ZNF333: variants seen among roughly 807,000 people sequenced by gnomAD.
ZNF333 encodes zinc finger protein 333.
ZNF333 carries 61 observed loss-of-function variants against 76.1 expected under a neutral mutation model. The observed-to-expected ratio is 0.80, with a 90% confidence interval of 0.65 to 0.99. ZNF333 has a LOEUF of 0.99. Among genes scored for constraint, ZNF333 ranks in the 50% least tolerant of loss-of-function variants. The probability of loss-of-function intolerance (pLI) is 0.00; values close to 1 mark genes in which losing one functional copy is unlikely to be tolerated. For synonymous variants in ZNF333, 284 were observed against 305.0 expected (o/e 0.93, Z 0.72); for missense variants, 717 against 822.4 (o/e 0.87, Z 1.57).
At chr19:14,722,698 C>T (rs1475215190), downstream of ZNF333, among the ~76,000 whole-genome samples, 2 of 152,124 alleles carry the variant, frequency 1.3e-5, no homozygotes, top group Non-Finnish European at 2.9e-5. Context: ...GAGGCTTACC[C>T]CCTATGTTTT....
chr19:14,695,739 C>T (rs28575925), intron 4 of ZNF333, 78 bp downstream of exon 4: 122,298 of 1,292,408 alleles, frequency 0.095, 6,372 homozygotes, highest in African/African-American at 0.2. Flanking sequence ...AGAGCATTTT[C>T]AAAGGCCCTT....
intron 7 of ZNF333, among the ~76,000 whole-genome samples, chr19:14,707,555 T>C (rs1568540789): frequency 6.9e-6 from 1 of 145,710 alleles, no homozygotes. Context: ...GTTTCTTTTT[T>C]TTTTTTTTTT....
At chr19:14,709,415 A>C (rs2042214625) in intron 7 of ZNF333, among the ~76,000 whole-genome samples, 1 of 152,254 alleles carries the variant, frequency 6.6e-6, no homozygotes, top group East Asian at 1.9e-4. Context: ...GAGATAAGAT[A>C]CTAGGGGTTA....
intron 7 of ZNF333, among the ~76,000 whole-genome samples, chr19:14,709,980 G>A (rs763562990): frequency 1.4e-4 from 22 of 152,226 alleles, no homozygotes; most frequent in Admixed American, 6.5e-4. Flanking sequence ...GCTGTCAGGA[G>A]GTTCGGAGAG....
chr19:14,695,509 T>G (rs1973113215), intron 3 of ZNF333, 57 bp from the exon 4 acceptor site: 2 of 1,526,032 alleles, frequency 1.3e-6, no homozygotes, highest in Admixed American at 3.4e-5. Flanking sequence ...AAACAAGAGT[T>G]TGTTTTCCCC....
chr19:14,718,748 G>A lies in ZNF333; in HGVS notation c.1421G>A (p.Gly474Glu). The change falls in exon 12 of 12, where the codon GGA (glycine) becomes GAA (glutamate). Residue 474 changes from glycine to glutamate, a missense_variant. Gly to Glu is a moderately conservative substitution (Grantham distance 98). Transcript: ENST00000292530. ...AGGAGCCACGTGAGAACTCACACTG[G>A]AGAGAAGCCCTTTGAATGCAGCCAG... Reference protein sequence around the residue: ...SLRSHVRTHTGEKPFECSQCG... With the variant: ...SLRSHVRTHTEEKPFECSQCG... 6.2e-7 allele frequency: 1 copy of A among 1,614,132 alleles called. No individual in the cohort carries two copies. The highest frequency in any genetic ancestry group is 1.1e-5 in the South Asian group (1 of 91,086).
chr19:14,720,463 C>T lies in ZNF333; in HGVS notation c.*1138C>T, dbSNP rs1443530423. 3.7e-5 allele frequency: 36 copies of T among 985,340 alleles called. No homozygotes were observed. Among genetic ancestry groups the T allele is most frequent in the Non-Finnish European group, 4.1e-5 (34 of 829,952 alleles). The allele number at this position is 985,340 out of a possible 1,614,324, so 61.0% of individuals were successfully genotyped here. ...GAGGGTGGCCGGAAGTCATAACCAT[C>T]TTGCTTCTGTAATCTAAAAAATATT... On this transcript the variant is annotated 3_prime_UTR_variant, in exon 12 of 12. Transcript: ENST00000292530.
chr19:14,706,039 A>T (rs2042101479), intron 6 of ZNF333: 1 of 453,810 alleles, frequency 2.2e-6, no homozygotes, highest in African/African-American at 2.0e-5. Context: ...CCAACCTCCC[A>T]TCCACCACCA....
chr19:14,698,935 TACACAC>T (rs1555771124), intron 4 of ZNF333, among the ~76,000 whole-genome samples: 1 of 139,288 alleles, frequency 7.2e-6, no homozygotes, highest in Non-Finnish European at 1.5e-5. Flanking sequence ...TATATATATA[TACACAC>T]ATATATATTT....
intron 1 of ZNF333, among the ~76,000 whole-genome samples, chr19:14,690,697 G>A (rs1198276808): frequency 6.6e-6 from 1 of 152,164 alleles, no homozygotes; most frequent in Admixed American, 6.5e-5. Flanking sequence ...ATTTCTTTTG[G>A]AGACTGACAA....
downstream of ZNF333, among the ~76,000 whole-genome samples, chr19:14,724,360 G>A (rs2062122259): frequency 6.6e-6 from 1 of 152,202 alleles, no homozygotes; most frequent in Admixed American, 6.5e-5. Context: ...CACTTGGGGA[G>A]CACATGGTTA....
chr19:14,699,322 A>G, intron 5 of ZNF333, 41 bp downstream of exon 5: 1 of 1,553,842 alleles, frequency 6.4e-7, no homozygotes, highest in Middle Eastern at 1.7e-4. Context: ...AGCATGGGAG[A>G]AGTTGAGGAA....
chr19:14,718,225 C>G lies in ZNF333; in HGVS notation c.901-3C>G. 1.3e-6 allele frequency: 2 copies of G among 1,599,242 alleles called. No individual in the cohort carries two copies. Among genetic ancestry groups the G allele is most frequent in the Non-Finnish European group, 1.7e-6 (2 of 1,173,556 alleles). On this transcript the variant is annotated splice_region_variant and splice_polypyrimidine_tract_variant and intron_variant, in intron 11 of 11. Coordinates refer to ENST00000292530, the MANE Select transcript of ZNF333 (RefSeq NM_032433.4). ...TGGTCTTCACATTTTCCTTCATCGA[C>G]AGGAGCAACCTCAGCCTGGAGAAAA... is the stretch of plus-strand genomic sequence containing the variant.
At chr19:14,729,285 C>G (rs1801797487) in intron 11 of ZNF333, among the ~76,000 whole-genome samples, 1 of 152,170 alleles carries the variant, frequency 6.6e-6, no homozygotes, top group African/African-American at 2.4e-5. Flanking sequence ...GCACTGAAGA[C>G]TGTTGAGCAG....
intron 1 of ZNF333, among the ~76,000 whole-genome samples, chr19:14,691,468 A>G (rs867179053): frequency 5.3e-5 from 8 of 152,176 alleles, no homozygotes; most frequent in African/African-American, 1.7e-4. Context: ...AAATCAGGAA[A>G]AAATTAACTC....
chr19:14,730,143 C>A (rs1213828438), intron 11 of ZNF333, among the ~76,000 whole-genome samples: 1 of 152,186 alleles, frequency 6.6e-6, no homozygotes, highest in Non-Finnish European at 1.5e-5. Context: ...ACCTCTGCCT[C>A]CCAGGTTCAA....
intron 7 of ZNF333, among the ~76,000 whole-genome samples, chr19:14,710,793 T>C (rs906807535): frequency 3.3e-5 from 5 of 151,784 alleles, no homozygotes; most frequent in South Asian, 2.1e-4. Flanking sequence ...AATAAAAAAA[T>C]AAATAAAAGT....
downstream of ZNF333, among the ~76,000 whole-genome samples, chr19:14,723,222 A>G (rs2042611306): frequency 6.6e-6 from 1 of 152,202 alleles, no homozygotes; most frequent in South Asian, 2.1e-4. Flanking sequence ...GTCAAAATTC[A>G]TTTGACTATA....
chr19:14,732,852 A>G (rs1163044426), exon 12 of ZNF333: 1 of 152,218 alleles, frequency 6.6e-6, no homozygotes, highest in African/African-American at 2.4e-5. Context: ...ATGATTGTCT[A>G]TAGCTGTTTT....
Sources: allele counts gnomAD v4.1 joint callset (sites outside exome capture counted in the v4.1 genomes callset), GRCh38; gene constraint gnomAD v4.1.1; transcripts MANE v1.5; gene names NCBI Gene and HGNC (gene_info 2026-07-23, HGNC 2026-07-21).